The following ELOVL6 variants were observed in gnomAD, a reference collection of about 807,000 sequenced individuals.
ELOVL6 encodes the protein very long chain fatty acid elongase 6.
ELOVL6 carries 8 observed loss-of-function variants against 31.7 expected under a neutral mutation model. That is an observed-to-expected ratio of 0.25 (90% CI 0.15 to 0.45). The LOEUF is 0.45. Among genes scored for constraint, ELOVL6 ranks in the 20% least tolerant of loss-of-function variants. The pLI is 1.00. For missense variants in ELOVL6, 126 were observed against 326.4 expected (o/e 0.39, Z 4.73); for synonymous variants, 101 against 117.7 (o/e 0.86, Z 0.92).
intron 1 of ELOVL6, among the ~76,000 whole-genome samples, chr4:110,171,552 T>C (rs981675959): frequency 5.9e-5 from 9 of 152,040 alleles, no homozygotes; most frequent in South Asian, 4.1e-4. Context: ...GTTTGGAGAA[T>C]TTCCAGATAG....
At position 110,051,782 on chromosome 4, in the gene ELOVL6, A is replaced by G. The variant is rs1001792454; in HGVS notation, c.374-20T>C. On this transcript the variant is annotated intron_variant, in intron 3 of 3. Transcript: ENST00000302274. This position sits in a 1 kb window ranked among gnomAD's most constrained non-coding sequence, Gnocchi z 4.8. ...TATCTCCTGGAAGACAAAGAGGAAG[A>G]AGGTACGTGAGATCCTTGACCACCA... The G allele has an allele frequency of 1.7e-5, 27 of 1,600,830 alleles. No homozygotes were observed. The African/African-American group carries it at 2.8e-4, about 17-fold the overall frequency.
At chr4:110,084,199 T>TAA (rs1756073149) in intron 2 of ELOVL6, among the ~76,000 whole-genome samples, 4 of 85,842 alleles carry the variant, frequency 4.7e-5, no homozygotes, top group Non-Finnish European at 6.7e-5. Flanking sequence ...ATAACTTATA[T>TAA]GATATATATA....
At position 110,124,829 on chromosome 4, in the gene ELOVL6, G is replaced by A. The variant is rs1019867542; in HGVS notation, c.90-19201C>T. On this transcript the variant is annotated intron_variant, in intron 1 of 3. Transcript: ENST00000302274. ...AAACTGCCAGGATTACTCTCAACTA[G>A]ACAGATTTTTCTACAAGCACATTAA... is the stretch of plus-strand genomic sequence containing the variant. Among the ~76,000 whole-genome samples, 16 of 152,152 alleles carry A rather than the reference G, an allele frequency of 1.1e-4. No individual in the cohort carries two copies. The Middle Eastern group carries it at 0.02, about 194-fold the overall frequency.
Position 110,081,112 on chromosome 4 carries a change from A to T in ELOVL6, c.222-21358T>A, listed in dbSNP as rs548611650. On this transcript the variant is annotated intron_variant, in intron 2 of 3. Coordinates refer to ENST00000302274, the MANE Select transcript of ELOVL6 (RefSeq NM_024090.3). ...AAAAGAGGATACAGACAAATGGAAG[A>T]ACATTCCATGCTCATGGGTAGGAAG... is the stretch of plus-strand genomic sequence containing the variant. 7.2e-5 allele frequency among the ~76,000 whole-genome samples: 11 copies of T among 152,324 alleles called. No individual in the cohort carries two copies. In the South Asian group the frequency reaches 2.3e-3, roughly 32 times the overall value.
intron 2 of ELOVL6, among the ~76,000 whole-genome samples, chr4:110,080,761 G>T (rs937253187): frequency 2.0e-5 from 3 of 152,118 alleles, no homozygotes; most frequent in Non-Finnish European, 1.5e-5. Flanking sequence ...GCAGGAGAAG[G>T]AAATAAAGGG....
chr4:110,082,683 A>C (rs1340122853), intron 2 of ELOVL6, among the ~76,000 whole-genome samples: 1 of 152,158 alleles, frequency 6.6e-6, no homozygotes, highest in African/African-American at 2.4e-5. Context: ...AACATGGCAC[A>C]TGTATACATA....
chr4:110,074,084 C>T (rs954345535), intron 2 of ELOVL6, among the ~76,000 whole-genome samples: 1 of 152,166 alleles, frequency 6.6e-6, no homozygotes, highest in African/African-American at 2.4e-5. Context: ...GAATTGCAGA[C>T]AGCCCAGGTT....
At chr4:110,154,998 T>C (rs1317795775) in intron 1 of ELOVL6, among the ~76,000 whole-genome samples, 1 of 152,226 alleles carries the variant, frequency 6.6e-6, no homozygotes, top group Non-Finnish European at 1.5e-5. Context: ...AAATGAGCAA[T>C]ATATTTTAAG....
At chr4:110,161,074 A>G (rs1758617266) in intron 1 of ELOVL6, among the ~76,000 whole-genome samples, 1 of 152,212 alleles carries the variant, frequency 6.6e-6, no homozygotes, top group African/African-American at 2.4e-5. Flanking sequence ...ATATACAACC[A>G]TTACAGAAGA....
intron 1 of ELOVL6, among the ~76,000 whole-genome samples, chr4:110,134,298 G>A (rs560593653): frequency 1.3e-5 from 2 of 152,220 alleles, no homozygotes; most frequent in South Asian, 2.1e-4. Context: ...TGATCCCCAG[G>A]ATATGGTCCT....
chr4:110,102,351 A>G (rs1191529793), intron 2 of ELOVL6, among the ~76,000 whole-genome samples: 1 of 152,232 alleles, frequency 6.6e-6, no homozygotes, highest in African/African-American at 2.4e-5. Context: ...GCATTGCAGG[A>G]TAAAGTAAAT....
At chr4:110,192,349 GGAA>G (rs763278362) in intron 1 of ELOVL6, among the ~76,000 whole-genome samples, 1 of 152,254 alleles carries the variant, frequency 6.6e-6, no homozygotes, top group Non-Finnish European at 1.5e-5. Flanking sequence ...GAAGATTTCA[GGAA>G]GAAATTTAAA....
intron 1 of ELOVL6, among the ~76,000 whole-genome samples, chr4:110,138,236 C>T (rs576288843): frequency 6.6e-6 from 1 of 152,264 alleles, no homozygotes; most frequent in Non-Finnish European, 1.5e-5. Flanking sequence ...TTCTTCATGG[C>T]CTTGTGGTTG....
At chr4:110,092,934 C>A (rs1294698743) in intron 2 of ELOVL6, among the ~76,000 whole-genome samples, 1 of 152,144 alleles carries the variant, frequency 6.6e-6, no homozygotes, top group East Asian at 1.9e-4. Context: ...CAATCCTTAA[C>A]AAATGCCTGC....
chr4:110,061,549 CTTTT>C lies in ELOVL6; in HGVS notation c.222-1799_222-1796del, dbSNP rs57846282. Among the ~76,000 whole-genome samples the C allele has an allele frequency of 5.9e-3, 423 of 72,294 alleles. 1 individual carries two copies. The highest frequency in any genetic ancestry group is 0.019 in the African/African-American group (369 of 19,824). 47.4% of individuals were successfully genotyped at this position (72,294 alleles called of 152,430 possible). A position where few individuals can be genotyped will look rare whatever the true frequency, so the allele number is the denominator to read the frequency against. ...CTGTCTTTCCCTCACCAAATGATGG[CTTTT>C]TTTTTTTTTTTTTTTTTTTTTGAGA... On this transcript the variant is annotated intron_variant, in intron 2 of 3. Coordinates refer to ENST00000302274, the MANE Select transcript of ELOVL6 (RefSeq NM_024090.3).
intron 1 of ELOVL6, among the ~76,000 whole-genome samples, chr4:110,158,637 A>ATGTATG (rs36047267): frequency 1.5e-5 from 1 of 66,956 alleles, no homozygotes. Flanking sequence ...ATACACGTGT[A>ATGTATG]TATATATATA....
chr4:110,069,387 C>T (rs905475739), intron 2 of ELOVL6, among the ~76,000 whole-genome samples: 25 of 151,778 alleles, frequency 1.6e-4, no homozygotes, highest in African/African-American at 5.6e-4. Context: ...TCGACCCCAT[C>T]AAGGCCAGAG....
intron 1 of ELOVL6, among the ~76,000 whole-genome samples, chr4:110,111,358 C>CTTTTT (rs3033269): frequency 0.052 from 7,516 of 144,788 alleles, 277 homozygotes; most frequent in East Asian, 0.15. Flanking sequence ...CTTAGAATTC[C>CTTTTT]TTTTTTTTTT....
intron 1 of ELOVL6, among the ~76,000 whole-genome samples, chr4:110,116,495 A>C (rs115960282): frequency 0.014 from 2,122 of 152,342 alleles, 49 homozygotes; most frequent in African/African-American, 0.046. Flanking sequence ...CTGAACTCTT[A>C]GTAGCACATG....
Sources: allele counts gnomAD v4.1 joint callset (sites outside exome capture counted in the v4.1 genomes callset), GRCh38; gene constraint gnomAD v4.1.1; non-coding constraint Gnocchi (gnomAD v3.1); transcripts MANE v1.5; gene names NCBI Gene and HGNC (gene_info 2026-07-23, HGNC 2026-07-21).